The following TPCN1 variants were observed in gnomAD, a reference collection of about 807,000 sequenced individuals.
TPCN1 encodes the protein two pore segment channel 1.
A neutral mutation model predicts 108.8 loss-of-function variants in TPCN1; 52 were observed. That is an observed-to-expected ratio of 0.48 (90% confidence interval 0.38 to 0.60). The LOEUF (loss-of-function observed/expected upper bound fraction) is 0.60. TPCN1 is among the 20% of genes least tolerant of loss of function. The probability of loss-of-function intolerance (pLI) is 0.00; values close to 1 mark genes in which losing one functional copy is unlikely to be tolerated. For missense variants in TPCN1, 806 were observed against 1,072.8 expected (o/e 0.75, Z 3.47); for synonymous variants, 446 against 433.7 (o/e 1.03, Z -0.35).
chr12:113,235,803 C>T (rs1396186216), intron 2 of TPCN1, among the ~76,000 whole-genome samples: 4 of 151,996 alleles, frequency 2.6e-5, no homozygotes, highest in East Asian at 1.9e-4. Flanking sequence ...GAGGAGATGG[C>T]GTGCTTCCTC....
At chr12:113,227,035 T>G in intron 2 of TPCN1, 71 bp downstream of exon 2, 4 of 1,311,738 alleles carry the variant, frequency 3.0e-6, no homozygotes, top group Non-Finnish European at 4.2e-6. Flanking sequence ...ATAAGCGCTT[T>G]GTGGTCTGAT....
intron 2 of TPCN1, among the ~76,000 whole-genome samples, chr12:113,229,216 G>A (rs1362080848): frequency 1.3e-5 from 2 of 152,160 alleles, no homozygotes; most frequent in African/African-American, 4.8e-5. Flanking sequence ...ACTAACTGCT[G>A]GGGTCCAGGG....
chr12:113,237,898 A>G (rs971036554), intron 2 of TPCN1, among the ~76,000 whole-genome samples: 3 of 152,138 alleles, frequency 2.0e-5, no homozygotes, highest in African/African-American at 7.2e-5. Flanking sequence ...CCCTAATCCC[A>G]CCACACCCAG....
In TPCN1 at chr12:113,296,093, C is replaced by T. The variant is rs201750331; in HGVS notation, c.*17C>T. On this transcript the variant is annotated 3_prime_UTR_variant, in exon 28 of 28. Coordinates refer to ENST00000335509, the MANE Select transcript of TPCN1 (RefSeq NM_017901.6). ...GTTACCTAGCCCAGCGCCCGAAAGC[C>T]GTCTCTTCTATGCAATAACACAATA... is the stretch of plus-strand genomic sequence containing the variant. 5.1e-5 allele frequency: 83 copies of T among 1,611,664 alleles called. No individual in the cohort carries two copies. The highest frequency in any genetic ancestry group is 6.2e-5 in the Non-Finnish European group (73 of 1,178,718).
chr12:113,268,611 G>T lies in TPCN1; in HGVS notation c.529-131G>T. ...GCTGCCTGATGTTGGCAGGAAGTGT[G>T]AGAGGGCTGGAGAGAGGAGAAGGCC... On this transcript the variant is annotated intron_variant, in intron 5 of 27. Transcript: ENST00000335509. The surrounding 1 kb of genome is among the most constrained non-coding windows in gnomAD (Gnocchi z 7.3). The T allele has an allele frequency of 8.8e-7, 1 of 1,138,118 alleles. No individual in the cohort carries two copies. Among genetic ancestry groups the T allele is most frequent in the South Asian group, 1.5e-5 (1 of 66,324 alleles). 70.5% of individuals were successfully genotyped at this position (1,138,118 alleles called of 1,614,324 possible).
At chr12:113,230,077 G>T (rs1364748611) in intron 2 of TPCN1, among the ~76,000 whole-genome samples, 1 of 152,072 alleles carries the variant, frequency 6.6e-6, no homozygotes, top group Non-Finnish European at 1.5e-5. Flanking sequence ...TTTGCTCGTG[G>T]CCTCCAGTTC....
At chr12:113,293,210 C>T in intron 26 of TPCN1, 59 bp from the exon 27 acceptor site, 14 of 1,604,686 alleles carry the variant, frequency 8.7e-6, no homozygotes, top group Non-Finnish European at 1.2e-5. Flanking sequence ...CCAACTGTGG[C>T]ACCAGGGGTG....
Position 113,269,532 on chromosome 12 carries a change from C to T in TPCN1, c.660-225C>T, listed in dbSNP as rs1034179271. 2.6e-5 allele frequency among the ~76,000 whole-genome samples: 4 copies of T among 152,182 alleles called. No homozygotes were observed. Among genetic ancestry groups the T allele is most frequent in the Non-Finnish European group, 4.4e-5 (3 of 68,034 alleles). ...GGCACTCACCTCCTTGGGGCCTCAC[C>T]AGGTGGAGGTGGCTGTGTGCTACGC... On this transcript the variant is annotated intron_variant, in intron 6 of 27. Coordinates refer to ENST00000335509, the MANE Select transcript of TPCN1 (RefSeq NM_017901.6). This position sits in a 1 kb window ranked among gnomAD's most constrained non-coding sequence, Gnocchi z 5.0.
At position 113,260,438 on chromosome 12, in the gene TPCN1, C is replaced by A. The variant is rs1323030222; in HGVS notation, c.183C>A (p.Ser61=). 6.4e-7 allele frequency: 1 copy of A among 1,558,126 alleles called. No homozygotes were observed. Among genetic ancestry groups the A allele is most frequent in the Non-Finnish European group, 8.6e-7 (1 of 1,156,520 alleles). ...SLSSGGESSP[S]SPAHNWEMNY... Reference sequence around the variant, plus strand: ...GCTCTGGGGGTGAGAGTTCCCCCTCCAGCCCCGCACACAACTGGGAGATGA... The same window carrying A: ...GCTCTGGGGGTGAGAGTTCCCCCTCAAGCCCCGCACACAACTGGGAGATGA... The change falls in exon 3 of 28, where the codon TCC becomes TCA. Residue 61 remains serine, a synonymous_variant. Coordinates refer to ENST00000335509, the MANE Select transcript of TPCN1 (RefSeq NM_017901.6).
chr12:113,287,044 C>A lies in TPCN1; in HGVS notation c.1584C>A (p.Asn528Lys), dbSNP rs1956106658. The change falls in exon 19 of 28, where the codon AAC becomes AAA. Residue 528 changes from asparagine to lysine, a missense_variant. By Grantham distance (94) the Asn-to-Lys change is moderately conservative. Coordinates refer to ENST00000335509, the MANE Select transcript of TPCN1 (RefSeq NM_017901.6). ...TGGGACTGCTGGCGCTGGCCCTCAA[C>A]ATGGAGCCCTTCTATTTCATCGTGG... ...AFLGLLALAL[N>K]MEPFYFIVVL... The A allele has an allele frequency of 3.1e-6, 5 of 1,613,998 alleles. No homozygotes were observed. Among genetic ancestry groups the A allele is most frequent in the Non-Finnish European group, 4.2e-6 (5 of 1,179,996 alleles).
chr12:113,232,532 G>C lies in TPCN1; in HGVS notation c.112+5568G>C, dbSNP rs1247992389. Among the ~76,000 whole-genome samples, 1 of 152,260 alleles carries C rather than the reference G, an allele frequency of 6.6e-6. No homozygotes were observed. Among genetic ancestry groups the C allele is most frequent in the African/African-American group, 2.4e-5 (1 of 41,480 alleles). ...TGTGCCGTGGCTCTGCCTCTGACCA[G>C]ATGGCCCCAGCATACTTGCCAAAGA... is the stretch of plus-strand genomic sequence containing the variant. On this transcript the variant is annotated intron_variant, in intron 2 of 27. Transcript: ENST00000335509. The surrounding 1 kb of genome is among the most constrained non-coding windows in gnomAD (Gnocchi z 5.6).
At chr12:113,280,239 T>C in intron 15 of TPCN1, 44 bp downstream of exon 15, 2 of 1,542,758 alleles carry the variant, frequency 1.3e-6, no homozygotes, top group South Asian at 1.1e-5. Context: ...TCCCCCTGAG[T>C]CCTTTGCTGT....
At chr12:113,265,461 A>G (rs1478497831) in intron 3 of TPCN1, among the ~76,000 whole-genome samples, 1 of 150,592 alleles carries the variant, frequency 6.6e-6, no homozygotes, top group African/African-American at 2.4e-5. Context: ...TCTGCTGGGC[A>G]CTCCTAGAGG....
rs1401094484 is a variant in TPCN1, at chr12:113,246,787, A to G, written c.113-13581A>G. On this transcript the variant is annotated intron_variant, in intron 2 of 27. Transcript: ENST00000335509. ...TTCTGCTCTGGGCAAGAACAGTGCC[A>G]AGGTCAGAGGCCAAAGGTGTTGCTT... is the stretch of plus-strand genomic sequence containing the variant. 3.9e-5 allele frequency among the ~76,000 whole-genome samples: 6 copies of G among 152,156 alleles called. No individual in the cohort carries two copies. In the South Asian group the frequency reaches 1.0e-3, roughly 26 times the overall value.
At chr12:113,291,850 C>T in intron 24 of TPCN1, 24 bp from the exon 25 acceptor site, 1 of 1,600,474 alleles carries the variant, frequency 6.2e-7, no homozygotes, top group Non-Finnish European at 8.6e-7. Context: ...CTGCCTCTGC[C>T]CCTCCCTCCC....
rs1238501363 is a variant in TPCN1, at chr12:113,269,948, G to A, written c.748+103G>A. On this transcript the variant is annotated intron_variant, in intron 7 of 27. Transcript: ENST00000335509. The surrounding 1 kb of genome is among the most constrained non-coding windows in gnomAD (Gnocchi z 5.0). ...TCAGTGGCTCACGCCTGTAATCCTA[G>A]CATTTTGGGAGGCCAAGGTGGGTGG... 365 of 1,329,782 alleles carry A rather than the reference G, an allele frequency of 2.7e-4. 1 individual carries two copies. The highest frequency in any genetic ancestry group is 1.4e-4 in the East Asian group (6 of 43,054). 82.4% of individuals were successfully genotyped at this position (1,329,782 alleles called of 1,614,324 possible).
At position 113,287,104 on chromosome 12, in the gene TPCN1, AG is replaced by A. The variant is rs1566199360; in HGVS notation, c.1634+13del. On this transcript the variant is annotated intron_variant, in intron 19 of 27. Coordinates refer to ENST00000335509, the MANE Select transcript of TPCN1 (RefSeq NM_017901.6). ...CCCTCCAGCTGCTGAGGTGATGGGCAGGGCAGAGCCGGAGACAGGGAGAAAG... is the reference window on the plus strand; with the variant it reads ...CCCTCCAGCTGCTGAGGTGATGGGCAGGCAGAGCCGGAGACAGGGAGAAAG... The A allele has an allele frequency of 1.2e-6, 2 of 1,605,434 alleles. No individual in the cohort carries two copies. Among genetic ancestry groups the A allele is most frequent in the Non-Finnish European group, 1.7e-6 (2 of 1,172,804 alleles).
chr12:113,290,130 C>T lies in TPCN1; in HGVS notation c.1799C>T (p.Thr600Met), dbSNP rs755685368. The stretch of plus-strand genomic sequence containing the variant: ...TTTCTCCCTTGTGCTCCGGCCAGCA[C>T]GAGTACAGTGGCAGATGCCTACCGC... ...CGIVFPNCCNTSTVADAYRWR... is the reference protein window; with the variant it reads ...CGIVFPNCCNMSTVADAYRWR... The change falls in exon 22 of 28, where the codon ACG becomes ATG. Residue 600 changes from threonine to methionine, a missense_variant and splice_region_variant. Transcript: ENST00000335509. 1.3e-5 allele frequency: 21 copies of T among 1,586,252 alleles called. 1 individual carries two copies. The highest frequency in any genetic ancestry group is 2.3e-5 in the East Asian group (1 of 44,010).
intron 2 of TPCN1, among the ~76,000 whole-genome samples, chr12:113,243,453 C>A (rs1427159117): frequency 6.6e-6 from 1 of 151,924 alleles, no homozygotes; most frequent in Middle Eastern, 3.2e-3. Flanking sequence ...GGCACAGACT[C>A]ATGCCTGTAA....
Sources: allele counts gnomAD v4.1 joint callset (sites outside exome capture counted in the v4.1 genomes callset), GRCh38; gene constraint gnomAD v4.1.1; non-coding constraint Gnocchi (gnomAD v3.1); transcripts MANE v1.5; gene names NCBI Gene and HGNC (gene_info 2026-07-23, HGNC 2026-07-21).